The following EDIL3 variants were observed in gnomAD, a reference collection of about 807,000 sequenced individuals.
EDIL3 encodes EGF like and discoidin domains 3.
In EDIL3, 37 loss-of-function variants were observed where a neutral mutation model predicts 67.4. The observed-to-expected ratio is 0.55, with a 90% confidence interval of 0.42 to 0.72. The LOEUF (loss-of-function observed/expected upper bound fraction) is 0.72, where lower values mean the gene tolerates loss of function less well. Among genes scored for constraint, EDIL3 ranks in the 30% least tolerant of loss-of-function variants. EDIL3 has a pLI of 0.00. For missense variants in EDIL3, 527 were observed against 586.3 expected (o/e 0.90, Z 1.04); for synonymous variants, 195 against 196.3 (o/e 0.99, Z 0.05).
chr5:84,101,599 T>A (rs886387477), intron 6 of EDIL3, among the ~76,000 whole-genome samples: 10 of 152,000 alleles, frequency 6.6e-5, no homozygotes, highest in Non-Finnish European at 1.2e-4. Context: ...CCTGGAAATA[T>A]ACGCCCTCCC....
intron 2 of EDIL3, 56 bp downstream of exon 2, chr5:84,254,028 C>T (rs752115496): frequency 2.6e-6 from 4 of 1,521,494 alleles, no homozygotes; most frequent in Non-Finnish European, 3.5e-6. Flanking sequence ...GCCAAACTGC[C>T]ATTTATTCAT....
At position 84,236,037 on chromosome 5, in the gene EDIL3, A is replaced by G. The variant is rs180917840; in HGVS notation, c.197-6153T>C. Among the ~76,000 whole-genome samples the G allele has an allele frequency of 6.6e-5, 10 of 152,208 alleles. No individual in the cohort carries two copies. In the East Asian group the frequency reaches 1.9e-3, roughly 29 times the overall value. Reference sequence around the variant, plus strand: ...TTAATGTTTAGTGGTGATATAGTTTACATGGGTTTTACAATGTATTTATAC... The same window carrying G: ...TTAATGTTTAGTGGTGATATAGTTTGCATGGGTTTTACAATGTATTTATAC... On this transcript the variant is annotated intron_variant, in intron 2 of 10. Transcript: ENST00000296591.
chr5:84,383,632 C>T (rs541613760), intron 1 of EDIL3, among the ~76,000 whole-genome samples: 3 of 152,304 alleles, frequency 2.0e-5, no homozygotes, highest in African/African-American at 4.8e-5. Flanking sequence ...AGGGGGTGCG[C>T]AGCTAAGCTC....
intron 6 of EDIL3, among the ~76,000 whole-genome samples, chr5:84,081,051 G>GT (rs1746959277): frequency 6.6e-6 from 1 of 152,140 alleles, no homozygotes; most frequent in South Asian, 2.1e-4. Flanking sequence ...TCTGCACCTG[G>GT]TAAAACTTCC....
intron 1 of EDIL3, among the ~76,000 whole-genome samples, chr5:84,378,479 A>C (rs1748013849): frequency 6.6e-6 from 1 of 152,152 alleles, no homozygotes; most frequent in Admixed American, 6.5e-5. Flanking sequence ...AAAAGTTGGC[A>C]TGTTTTACTG....
At chr5:84,006,823 T>C (rs1029161534) in intron 9 of EDIL3, among the ~76,000 whole-genome samples, 4 of 152,246 alleles carry the variant, frequency 2.6e-5, no homozygotes, top group Admixed American at 1.3e-4. Context: ...ATTTTAAATA[T>C]ATAATTGTTC....
intron 1 of EDIL3, among the ~76,000 whole-genome samples, chr5:84,373,049 T>C (rs761523050): frequency 8.5e-5 from 13 of 152,096 alleles, no homozygotes; most frequent in Admixed American, 2.6e-4. Flanking sequence ...ACCAGTTCCT[T>C]TGCTGCTCCA....
chr5:83,944,733 C>T (rs1744283260), intron 10 of EDIL3, among the ~76,000 whole-genome samples: 1 of 151,808 alleles, frequency 6.6e-6, no homozygotes, highest in African/African-American at 2.4e-5. Context: ...GAGTAAAAAT[C>T]TCTTCAACGC....
At chr5:84,333,549 C>T (rs1210425889) in intron 1 of EDIL3, among the ~76,000 whole-genome samples, 1 of 152,000 alleles carries the variant, frequency 6.6e-6, no homozygotes, top group Non-Finnish European at 1.5e-5. Context: ...TAATAAATAA[C>T]AGGAGACGAG....
chr5:84,289,281 A>G (rs183478277), intron 1 of EDIL3, among the ~76,000 whole-genome samples: 4 of 152,282 alleles, frequency 2.6e-5, no homozygotes, highest in Admixed American at 2.6e-4. Flanking sequence ...CCCAATAACA[A>G]TAAGAGTGTT....
At chr5:84,306,308 C>G (rs1746275751) in intron 1 of EDIL3, among the ~76,000 whole-genome samples, 1 of 152,014 alleles carries the variant, frequency 6.6e-6, no homozygotes, top group Non-Finnish European at 1.5e-5. Context: ...GGTGTGTATT[C>G]CTTTAAAGTC....
intron 9 of EDIL3, among the ~76,000 whole-genome samples, chr5:83,978,098 T>C (rs1483303204): frequency 6.6e-6 from 1 of 151,874 alleles, no homozygotes; most frequent in African/African-American, 2.4e-5. Context: ...AAGCATATGA[T>C]ATAATAGAAA....
chr5:84,384,811 A>T lies in EDIL3; in HGVS notation c.-437T>A, dbSNP rs1466170209. 1 of 152,190 alleles carries T rather than the reference A, an allele frequency of 6.6e-6. No homozygotes were observed. Among genetic ancestry groups the T allele is most frequent in the Non-Finnish European group, 1.5e-5 (1 of 68,206 alleles). 9.4% of individuals were successfully genotyped at this position (152,190 alleles called of 1,614,324 possible). On this transcript the variant is annotated 5_prime_UTR_variant, in exon 1 of 11. Transcript: ENST00000296591. ...GGGCTTCTGACTTGGAGAACAATGA[A>T]GCGTGAGCTGGAGGGGAGCGAGCGG...
intron 4 of EDIL3, among the ~76,000 whole-genome samples, chr5:84,149,846 A>C (rs1391218973): frequency 6.6e-6 from 1 of 152,090 alleles, no homozygotes. Context: ...AATAATAGCA[A>C]ATTAGACATG....
intron 1 of EDIL3, among the ~76,000 whole-genome samples, chr5:84,309,977 A>G (rs1746351856): frequency 6.6e-6 from 1 of 152,142 alleles, no homozygotes; most frequent in South Asian, 2.1e-4. Context: ...AAGTGTTCCT[A>G]TTTCTCCACA....
chr5:84,096,881 T>C (rs901943016), intron 6 of EDIL3, among the ~76,000 whole-genome samples: 4 of 152,174 alleles, frequency 2.6e-5, no homozygotes, highest in South Asian at 2.1e-4. Context: ...ATTCTCATGA[T>C]AGTGAATAAG....
In EDIL3 at chr5:84,000,335, C is replaced by T. The variant is rs552291360; in HGVS notation, c.1138-36975G>A. On this transcript the variant is annotated intron_variant, in intron 9 of 10. Transcript: ENST00000296591. Reference sequence around the variant, plus strand: ...AAAATAAACCTCTCAAAAATAATACCTATGACCACTTTTAAAGATTTAGAC... The same window carrying T: ...AAAATAAACCTCTCAAAAATAATACTTATGACCACTTTTAAAGATTTAGAC... Among the ~76,000 whole-genome samples the T allele has an allele frequency of 2.6e-5, 4 of 151,994 alleles. No homozygotes were observed. In the South Asian group the frequency reaches 8.3e-4, roughly 32 times the overall value.
At chr5:84,273,726 C>A (rs562257108) in intron 1 of EDIL3, among the ~76,000 whole-genome samples, 4 of 152,126 alleles carry the variant, frequency 2.6e-5, no homozygotes, top group Non-Finnish European at 5.9e-5. Context: ...ATTAATGTTT[C>A]TACCACACTC....
chr5:84,161,059 T>C (rs914220407), intron 4 of EDIL3, among the ~76,000 whole-genome samples: 2 of 151,988 alleles, frequency 1.3e-5, no homozygotes, highest in African/African-American at 4.8e-5. Flanking sequence ...TCCTCACAGC[T>C]TAGCTCCCAC....
Sources: allele counts gnomAD v4.1 joint callset (sites outside exome capture counted in the v4.1 genomes callset), GRCh38; gene constraint gnomAD v4.1.1; transcripts MANE v1.5; gene names NCBI Gene and HGNC (gene_info 2026-07-23, HGNC 2026-07-21).